OR8J3: variants seen among roughly 807,000 people sequenced by gnomAD.
OR8J3 encodes olfactory receptor 8J3.
For synonymous variants in OR8J3, 170 were observed against 142.6 expected (o/e 1.19, Z -1.37); for missense variants, 418 against 379.8 (o/e 1.10, Z -0.84).
chr11:56,139,284 CCTT>C (rs1854366994), intron 1 of OR8J3, among the ~76,000 whole-genome samples: 1 of 152,020 alleles, frequency 6.6e-6, no homozygotes, highest in Admixed American at 6.6e-5. Context: ...CAGTTTCTCT[CCTT>C]CTAAAAGAGA....
rs141898314 is a variant in OR8J3 at position 56,135,807 on chromosome 11, T to A, written c.*964A>T. On this transcript the variant is annotated 3_prime_UTR_variant, in exon 2 of 2. Coordinates refer to ENST00000642058, the MANE Select transcript of OR8J3 (RefSeq NM_001004064.2). The stretch of plus-strand genomic sequence containing the variant: ...CTAAGTTTCAATGCCAGAATCCCCA[T>A]TGGCACTTTTAATATGAGTTTTTTG... The A allele has an allele frequency of 6.6e-6, 1 of 151,992 alleles. No individual in the cohort carries two copies. Among genetic ancestry groups the A allele is most frequent in the African/African-American group, 2.4e-5 (1 of 41,444 alleles). 9.4% of individuals were successfully genotyped at this position (151,992 alleles called of 1,614,324 possible). A position where few individuals can be genotyped will look rare whatever the true frequency, so the allele number is the denominator to read the frequency against.
intron 1 of OR8J3, among the ~76,000 whole-genome samples, chr11:56,138,779 C>G (rs765180713): frequency 2.0e-5 from 3 of 151,574 alleles, no homozygotes; most frequent in African/African-American, 7.3e-5. Flanking sequence ...TCTATTTCTT[C>G]CCTCTCATGA....
rs567025387 is a variant in OR8J3, at chr11:56,136,633, T to A, written c.*138A>T. The A allele has an allele frequency of 5.5e-5, 28 of 508,916 alleles. No individual in the cohort carries two copies. The East Asian group carries it at 8.3e-4, about 15-fold the overall frequency. 31.5% of individuals were successfully genotyped at this position (508,916 alleles called of 1,614,324 possible). Reference sequence around the variant, plus strand: ...ACTCTCATAACTCAAAATGTTTCCATGTATTTTTTTTAATTCAATGATCTT... The same window carrying A: ...ACTCTCATAACTCAAAATGTTTCCAAGTATTTTTTTTAATTCAATGATCTT... On this transcript the variant is annotated 3_prime_UTR_variant, in exon 2 of 2. Coordinates refer to ENST00000642058, the MANE Select transcript of OR8J3 (RefSeq NM_001004064.2).
rs1015020583 is a variant in OR8J3, at chr11:56,135,700, T to C, written c.*1071A>G. 11 of 152,024 alleles carry C rather than the reference T, an allele frequency of 7.2e-5. No homozygotes were observed. Among genetic ancestry groups the C allele is most frequent in the Non-Finnish European group, 1.5e-4 (10 of 67,878 alleles). 9.4% of individuals were successfully genotyped at this position (152,024 alleles called of 1,614,324 possible). A position where few individuals can be genotyped will look rare whatever the true frequency, so the allele number is the denominator to read the frequency against. On this transcript the variant is annotated 3_prime_UTR_variant, in exon 2 of 2. Transcript: ENST00000642058. ...TTTAACACAAGAACCTACTTACAAG[T>C]AAACTGAACACACACACAGAATGTC... is the stretch of plus-strand genomic sequence containing the variant.
At position 56,135,603 on chromosome 11, in the gene OR8J3, A is replaced by G. The variant is rs1193150145; in HGVS notation, c.*1168T>C. 1 of 151,988 alleles carries G rather than the reference A, an allele frequency of 6.6e-6. No homozygotes were observed. Among genetic ancestry groups the G allele is most frequent in the African/African-American group, 2.4e-5 (1 of 41,418 alleles). 9.4% of individuals were successfully genotyped at this position (151,988 alleles called of 1,614,324 possible). On this transcript the variant is annotated 3_prime_UTR_variant, in exon 2 of 2. Coordinates refer to ENST00000642058, the MANE Select transcript of OR8J3 (RefSeq NM_001004064.2). ...TATTCATATCATAATTATTCATACC[A>G]TATCATAATTATTCATAATTATTCA...
rs148077833 is a variant in OR8J3, at chr11:56,135,618, A to T, written c.*1153T>A. On this transcript the variant is annotated 3_prime_UTR_variant, in exon 2 of 2. Transcript: ENST00000642058. ...TATTCATACCATATCATAATTATTC[A>T]TAATTATTCATGACTGAAGATTTAG... 10 of 152,118 alleles carry T rather than the reference A, an allele frequency of 6.6e-5. No individual in the cohort carries two copies. In the East Asian group the frequency reaches 1.9e-3, roughly 29 times the overall value. 9.4% of individuals were successfully genotyped at this position (152,118 alleles called of 1,614,324 possible). A position where few individuals can be genotyped will look rare whatever the true frequency, so the allele number is the denominator to read the frequency against.
In OR8J3 at chr11:56,137,334, G is replaced by T. The variant is rs777940073; in HGVS notation, c.385C>A (p.Pro129Thr). 5 of 1,613,984 alleles carry T rather than the reference G, an allele frequency of 3.1e-6. No individual in the cohort carries two copies. Among genetic ancestry groups the T allele is most frequent in the Non-Finnish European group, 4.2e-6 (5 of 1,180,006 alleles). Residue 129 changes from proline to threonine, a missense_variant, in exon 2 of 2, where the codon CCT (proline) becomes ACT (threonine). By Grantham distance (38) the Pro-to-Thr change is conservative (BLOSUM62 -1). Coordinates refer to ENST00000642058, the MANE Select transcript of OR8J3 (RefSeq NM_001004064.2). ...GACACCACCACCATGTAGAGCAGAGGGTTACAAATGGCCACATAGCGGTCA... is the reference window on the plus strand; with the variant it reads ...GACACCACCACCATGTAGAGCAGAGTGTTACAAATGGCCACATAGCGGTCA... ...AYDRYVAICN[P>T]LLYMVVVSRR...
In OR8J3 at chr11:56,136,664, C is replaced by T. The variant is rs1464663115; in HGVS notation, c.*107G>A. The T allele has an allele frequency of 1.7e-6, 1 of 582,210 alleles. No homozygotes were observed. The highest frequency in any genetic ancestry group is 1.9e-5 in the African/African-American group (1 of 52,122). 36.1% of individuals were successfully genotyped at this position (582,210 alleles called of 1,614,324 possible). A position where few individuals can be genotyped will look rare whatever the true frequency, so the allele number is the denominator to read the frequency against. ...TTTTTTAATTCAATGATCTTTAAAT[C>T]TTACCTCTTGGTAATTCTTAGGATT... On this transcript the variant is annotated 3_prime_UTR_variant, in exon 2 of 2. Transcript: ENST00000642058.
rs1172489189 is a variant in OR8J3 at position 56,137,124 on chromosome 11, C to G, written c.595G>C (p.Val199Leu). Residue 199 changes from valine (V) to leucine (L), a missense_variant, in exon 2 of 2, where the codon GTC becomes CTC. By Grantham distance (32) the Val-to-Leu change is conservative. Transcript: ENST00000642058. ...CSDTYIPETI[V>L]FISAATNLVF... ...AAATTTGTTGCTGCAGATATAAAGA[C>G]TATTGTTTCTGGTATGTAAGTATCA... 1 of 1,612,998 alleles carries G rather than the reference C, an allele frequency of 6.2e-7. No homozygotes were observed. The highest frequency in any genetic ancestry group is 1.1e-5 in the South Asian group (1 of 90,948).
In OR8J3 at chr11:56,137,566, A is replaced by G; in HGVS notation, c.153T>C (p.Val51=). 1 of 1,614,224 alleles carries G rather than the reference A, an allele frequency of 6.2e-7. No homozygotes were observed. The highest frequency in any genetic ancestry group is 8.5e-7 in the Non-Finnish European group (1 of 1,180,044). Reference sequence around the variant, plus strand: ...ACATGGGGTTTTGAAGTCGAGAGTCAACACTGGTGAGGGTGATGATGCCCA... The same window carrying G: ...ACATGGGGTTTTGAAGTCGAGAGTCGACACTGGTGAGGGTGATGATGCCCA... ...GNLGIITLTS[V]DSRLQNPMYF... is the part of the protein sequence containing the mutation. The change falls in exon 2 of 2, where the codon GTT becomes GTC. Residue 51 remains valine, a synonymous_variant. Coordinates refer to ENST00000642058, the MANE Select transcript of OR8J3 (RefSeq NM_001004064.2).
chr11:56,139,220 A>C (rs796960331), intron 1 of OR8J3, among the ~76,000 whole-genome samples: 1 of 152,188 alleles, frequency 6.6e-6, no homozygotes, highest in Non-Finnish European at 1.5e-5. Flanking sequence ...TAAGTTCCAG[A>C]AAGTTAAGAA....
chr11:56,135,470 T>G lies in OR8J3; in HGVS notation c.*1301A>C, dbSNP rs1183521419. The G allele has an allele frequency of 1.3e-5, 2 of 152,044 alleles. No homozygotes were observed. The highest frequency in any genetic ancestry group is 2.4e-5 in the African/African-American group (1 of 41,440). 9.4% of individuals were successfully genotyped at this position (152,044 alleles called of 1,614,324 possible). A position where few individuals can be genotyped will look rare whatever the true frequency, so the allele number is the denominator to read the frequency against. On this transcript the variant is annotated 3_prime_UTR_variant, in exon 2 of 2. Coordinates refer to ENST00000642058, the MANE Select transcript of OR8J3 (RefSeq NM_001004064.2). ...TGAATATCTCAACACCAAGGCAAAT[T>G]AAAAGATATCCAATCACTACTTTTC...
Sources: allele counts gnomAD v4.1 joint callset (sites outside exome capture counted in the v4.1 genomes callset), GRCh38; gene constraint gnomAD v4.1.1; transcripts MANE v1.5; gene names NCBI Gene and HGNC (gene_info 2026-07-23, HGNC 2026-07-21).